DYNC2H1: variants seen among roughly 807,000 people sequenced by gnomAD.
The protein encoded by DYNC2H1 is cytoplasmic dynein 2 heavy chain 1.
Under a neutral mutation model 570.0 loss-of-function variants are expected in DYNC2H1, and 410 were observed. That is an observed-to-expected ratio of 0.72 (90% CI 0.66 to 0.78). The LOEUF (loss-of-function observed/expected upper bound fraction) is 0.78, where lower values mean the gene tolerates loss of function less well. Among genes scored for constraint, DYNC2H1 ranks in the 30% least tolerant of loss-of-function variants. The pLI is 0.00. For missense variants in DYNC2H1, 4,865 were observed against 5,046.4 expected, an observed-to-expected ratio of 0.96 and a Z score of 1.09; for synonymous variants, 1,688 against 1,677.6, an observed-to-expected ratio of 1.01 and a Z score of -0.15.
intron 82 of DYNC2H1, among the ~76,000 whole-genome samples, chr11:103,333,111 C>T (rs1938910232): frequency 6.6e-6 from 1 of 152,142 alleles, no homozygotes; most frequent in Non-Finnish European, 1.5e-5. Context: ...CATATTAACA[C>T]ACATTTGAAT....
At position 103,472,447 on chromosome 11, in the gene DYNC2H1, G is replaced by A. The variant is rs955785301; in HGVS notation, c.12765+3742G>A. On this transcript the variant is annotated intron_variant, in intron 88 of 88. Coordinates refer to ENST00000375735, the MANE Select transcript of DYNC2H1 (RefSeq NM_001377.3). The surrounding 1 kb of genome is among the most constrained non-coding windows in gnomAD (Gnocchi z 4.1). ...ATCAGATTTGTAGTTTTAGAAAATC[G>A]GTCTAGCAGTGAGTGGTTGGATAAT... Among the ~76,000 whole-genome samples the A allele has an allele frequency of 6.6e-6, 1 of 152,088 alleles. No individual in the cohort carries two copies. The highest frequency in any genetic ancestry group is 1.5e-5 in the Non-Finnish European group (1 of 68,014).
chr11:103,183,437 A>G (rs1205829413), intron 40 of DYNC2H1, among the ~76,000 whole-genome samples: 10 of 151,922 alleles, frequency 6.6e-5, no homozygotes, highest in Admixed American at 6.6e-5. Flanking sequence ...CCAAAGATTC[A>G]GTTAGGAAAA....
intron 83 of DYNC2H1, among the ~76,000 whole-genome samples, chr11:103,379,077 T>G (rs981717772): frequency 6.6e-6 from 1 of 152,204 alleles, no homozygotes; most frequent in Non-Finnish European, 1.5e-5. Flanking sequence ...CTATGGCTAG[T>G]TGTTGATATT....
At chr11:103,184,756 C>T (rs2135022466) in intron 40 of DYNC2H1, 140 bp from the exon 41 acceptor site, 2 of 728,918 alleles carry the variant, frequency 2.7e-6, no homozygotes, top group Non-Finnish European at 2.1e-6. Flanking sequence ...GAATGAAATC[C>T]AAACTTTCTA....
chr11:103,242,558 A>G (rs1460314326), intron 63 of DYNC2H1, among the ~76,000 whole-genome samples: 1 of 152,218 alleles, frequency 6.6e-6, no homozygotes, highest in Non-Finnish European at 1.5e-5. Flanking sequence ...TTTCAAATAA[A>G]TGTGAAAACT....
chr11:103,454,852 C>G (rs768182306), intron 85 of DYNC2H1: 2 of 191,982 alleles, frequency 1.0e-5, no homozygotes, highest in African/African-American at 4.7e-5. Flanking sequence ...TTTAGTTAGG[C>G]CTGGATGCTC....
At chr11:103,456,452 G>C in intron 87 of DYNC2H1, 96 bp downstream of exon 87, 1 of 907,726 alleles carries the variant, frequency 1.1e-6, no homozygotes, top group Non-Finnish European at 1.7e-6. Context: ...TATCTTTATA[G>C]TGTAAGATCA....
intron 85 of DYNC2H1, among the ~76,000 whole-genome samples, chr11:103,442,717 T>C (rs1465121718): frequency 6.6e-6 from 1 of 152,088 alleles, no homozygotes; most frequent in Non-Finnish European, 1.5e-5. Flanking sequence ...CTTTCCCGAA[T>C]TTCTATCTGC....
At chr11:103,456,480 T>C (rs1447657130) in intron 87 of DYNC2H1, 124 bp downstream of exon 87, 3 of 605,388 alleles carry the variant, frequency 5.0e-6, no homozygotes, top group Non-Finnish European at 5.2e-6. Flanking sequence ...TAGATTGTAT[T>C]ATCTATGTGA....
At chr11:103,451,390 T>A (rs1256615864) in intron 85 of DYNC2H1, among the ~76,000 whole-genome samples, 1 of 130,906 alleles carries the variant, frequency 7.6e-6, no homozygotes, top group East Asian at 2.6e-4. Context: ...TGGAGTGCAG[T>A]GGCACAATCT....
chr11:103,328,064 C>T (rs1477646839), intron 82 of DYNC2H1, among the ~76,000 whole-genome samples: 2 of 152,168 alleles, frequency 1.3e-5, no homozygotes, highest in Non-Finnish European at 2.9e-5. Flanking sequence ...TTTTTACTCA[C>T]TCGAATATAG....
intron 54 of DYNC2H1, 38 bp downstream of exon 54, chr11:103,211,981 A>T (rs745699397): frequency 1.4e-6 from 2 of 1,452,108 alleles, no homozygotes; most frequent in Non-Finnish European, 1.8e-6. Context: ...TTATCTATAT[A>T]TAGGAAACAA....
At chr11:103,390,387 G>T (rs1460146551) in intron 83 of DYNC2H1, among the ~76,000 whole-genome samples, 1 of 150,456 alleles carries the variant, frequency 6.6e-6, no homozygotes, top group Admixed American at 6.7e-5. Flanking sequence ...GAGTCTATAT[G>T]TGTCTCTGCA....
chr11:103,433,391 C>A (rs1943962421), intron 84 of DYNC2H1, among the ~76,000 whole-genome samples: 1 of 151,928 alleles, frequency 6.6e-6, no homozygotes, highest in South Asian at 2.1e-4. Flanking sequence ...TCTTAACCAT[C>A]TATAGATGAA....
intron 60 of DYNC2H1, among the ~76,000 whole-genome samples, chr11:103,231,976 C>A (rs1864032315): frequency 6.6e-6 from 1 of 151,718 alleles, no homozygotes; most frequent in Non-Finnish European, 1.5e-5. Flanking sequence ...AAGAAAACCC[C>A]AAACCAATAA....
In DYNC2H1 at chr11:103,187,474, G is replaced by T. The variant is rs1248964881; in HGVS notation, c.7028G>T (p.Gly2343Val). 1 of 1,613,312 alleles carries T rather than the reference G, an allele frequency of 6.2e-7. No individual in the cohort carries two copies. Among genetic ancestry groups the T allele is most frequent in the African/African-American group, 1.3e-5 (1 of 74,944 alleles). The change falls in exon 43 of 89, where the codon GGT becomes GTT. Residue 2343 changes from glycine to valine, a missense_variant. Coordinates refer to ENST00000375735, the MANE Select transcript of DYNC2H1 (RefSeq NM_001377.3). ...QTCMVISTNTGRVYRPKDCER... is the reference protein window; with the variant it reads ...QTCMVISTNTVRVYRPKDCER... ...TGCATGGTAATCAGTACTAATACTG[G>T]TCGTGTATACAGACCAAAAGACTGT...
chr11:103,222,865 G>T, intron 58 of DYNC2H1, 100 bp from the exon 59 acceptor site: 1 of 1,451,326 alleles, frequency 6.9e-7, no homozygotes, highest in South Asian at 1.3e-5. Context: ...ACTTTATTTG[G>T]GTCAAGTTAA....
Position 103,303,017 on chromosome 11 carries a change from T to C in DYNC2H1, c.11096-76T>C, listed in dbSNP as rs1867112703. On this transcript the variant is annotated intron_variant, in intron 75 of 88. Coordinates refer to ENST00000375735, the MANE Select transcript of DYNC2H1 (RefSeq NM_001377.3). Reference sequence around the variant, plus strand: ...TCACCTGGGTATTCTCTATTATATATCATATAATTAGATTTAATAAACTTT... The same window carrying C: ...TCACCTGGGTATTCTCTATTATATACCATATAATTAGATTTAATAAACTTT... 10 of 1,066,270 alleles carry C rather than the reference T, an allele frequency of 9.4e-6. No homozygotes were observed. The South Asian group carries it at 2.5e-4, about 27-fold the overall frequency. The allele number at this position is 1,066,270 out of a possible 1,614,324, so 66.1% of individuals were successfully genotyped here.
At chr11:103,470,042 G>A (rs757046784) in intron 88 of DYNC2H1, among the ~76,000 whole-genome samples, 1 of 151,972 alleles carries the variant, frequency 6.6e-6, no homozygotes, top group South Asian at 2.1e-4. Flanking sequence ...AGTATAAACA[G>A]GTTCACTTGA....
Sources: gnomAD v4.1 joint callset for allele counts (sites outside exome capture counted in the v4.1 genomes callset) on GRCh38, gnomAD v4.1.1 for gene constraint, Gnocchi (gnomAD v3.1) non-coding constraint, MANE v1.5 for transcripts, NCBI Gene and HGNC (gene_info 2026-07-23, HGNC 2026-07-21) for gene names.